SAMD8: variants seen among roughly 807,000 people sequenced by gnomAD.
SAMD8 encodes sterile alpha motif domain containing 8.
In SAMD8, 20 loss-of-function variants were observed where a neutral mutation model predicts 42.0. That is an observed-to-expected ratio of 0.48 (90% CI 0.34 to 0.69). The LOEUF (loss-of-function observed/expected upper bound fraction) is 0.69, where lower values mean the gene tolerates loss of function less well. Among genes scored for constraint, SAMD8 ranks in the 30% least tolerant of loss-of-function variants. SAMD8 has a pLI of 0.01. For synonymous variants in SAMD8, 162 were observed against 173.0 expected (o/e 0.94, Z 0.50); for missense variants, 328 against 511.6 (o/e 0.64, Z 3.46).
intron 1 of SAMD8, among the ~76,000 whole-genome samples, chr10:75,126,762 A>G (rs1849149740): frequency 6.6e-6 from 1 of 151,762 alleles, no homozygotes; most frequent in Admixed American, 6.6e-5. Context: ...TGGCTTCCCA[A>G]AGTGCTGAGA....
intron 2 of SAMD8, among the ~76,000 whole-genome samples, chr10:75,157,315 A>G (rs1365514950): frequency 1.3e-5 from 2 of 152,124 alleles, no homozygotes; most frequent in Non-Finnish European, 2.9e-5. Context: ...TGTATTGATA[A>G]TAAGAATGAC....
In SAMD8 at chr10:75,176,785, C is replaced by T; in HGVS notation, c.*93C>T. On this transcript the variant is annotated 3_prime_UTR_variant, in exon 6 of 6. Transcript: ENST00000542569. This position sits in a 1 kb window ranked among gnomAD's most constrained non-coding sequence, Gnocchi z 4.3. ...CTCCCCCTAGGTTGTTCTTAGATGCCTGGCTTATGTGTTGACAAAGTAAAG... is the reference window on the plus strand; with the variant it reads ...CTCCCCCTAGGTTGTTCTTAGATGCTTGGCTTATGTGTTGACAAAGTAAAG... The T allele has an allele frequency of 1.1e-6, 1 of 917,680 alleles. No homozygotes were observed. Among genetic ancestry groups the T allele is most frequent in the Non-Finnish European group, 1.6e-6 (1 of 622,826 alleles). The allele number at this position is 917,680 out of a possible 1,614,324, so 56.8% of individuals were successfully genotyped here. A position where few individuals can be genotyped will look rare whatever the true frequency, so the allele number is the denominator to read the frequency against.
rs920886497 is a variant in SAMD8, at chr10:75,127,176, A to G, written c.-16+15454A>G. Among the ~76,000 whole-genome samples, 8 of 138,628 alleles carry G rather than the reference A, an allele frequency of 5.8e-5. No individual in the cohort carries two copies. The Admixed American group carries it at 6.1e-4, about 11-fold the overall frequency. 90.9% of individuals were successfully genotyped at this position (138,628 alleles called of 152,430 possible). A position where few individuals can be genotyped will look rare whatever the true frequency, so the allele number is the denominator to read the frequency against. ...CGCACTCCAGCCTGGGCACAGAGCG[A>G]GACTCTGTCTCAAAAAAAAAAAAAA... On this transcript the variant is annotated intron_variant, in intron 1 of 5. Transcript: ENST00000542569.
At position 75,177,895 on chromosome 10, in the gene SAMD8, T is replaced by C. The variant is rs140945048; in HGVS notation, c.*1203T>C. 3 of 152,374 alleles carry C rather than the reference T, an allele frequency of 2.0e-5. No homozygotes were observed. Among genetic ancestry groups the C allele is most frequent in the African/African-American group, 4.8e-5 (2 of 41,592 alleles). 9.4% of individuals were successfully genotyped at this position (152,374 alleles called of 1,614,324 possible). ...ATCTATGATAACATTTGTTACTTTA[T>C]TTTTAATGATTTTTTTACAGTAGTT... On this transcript the variant is annotated 3_prime_UTR_variant, in exon 6 of 6. Transcript: ENST00000542569.
Position 75,115,827 on chromosome 10 carries a change from G to A in SAMD8, c.-16+4105G>A, listed in dbSNP as rs1589930492. ...CTCGTGGCAGGCGCCTGTAGTCCCA[G>A]CTACTCAGGAGGCTGAGGCAGGAGA... On this transcript the variant is annotated intron_variant, in intron 1 of 5. Coordinates refer to ENST00000542569, the MANE Select transcript of SAMD8 (RefSeq NM_001174156.2). 2.0e-5 allele frequency among the ~76,000 whole-genome samples: 3 copies of A among 151,632 alleles called. No individual in the cohort carries two copies. The South Asian group carries it at 6.2e-4, about 32-fold the overall frequency.
chr10:75,174,678 C>T (rs1223063364), intron 4 of SAMD8, among the ~76,000 whole-genome samples: 1 of 151,850 alleles, frequency 6.6e-6, no homozygotes, highest in Non-Finnish European at 1.5e-5. Context: ...GATGATCCAC[C>T]CACCTCGGCC....
chr10:75,172,045 G>T (rs934400026), intron 4 of SAMD8, among the ~76,000 whole-genome samples: 1 of 151,514 alleles, frequency 6.6e-6, no homozygotes, highest in African/African-American at 2.4e-5. Context: ...AAAAAAAGTG[G>T]TATGTGTTGC....
intron 1 of SAMD8, among the ~76,000 whole-genome samples, chr10:75,134,192 G>T (rs561978209): frequency 6.6e-6 from 1 of 152,308 alleles, no homozygotes; most frequent in East Asian, 1.9e-4. Context: ...GTGGGGGGCA[G>T]CCGGGAGAGG....
At chr10:75,147,573 G>A (rs927575420) in intron 1 of SAMD8, among the ~76,000 whole-genome samples, 1 of 152,024 alleles carries the variant, frequency 6.6e-6, no homozygotes, top group Non-Finnish European at 1.5e-5. Flanking sequence ...TGATCCACCC[G>A]TCTCAGCCTC....
intron 1 of SAMD8, among the ~76,000 whole-genome samples, chr10:75,120,217 G>A (rs528281064): frequency 7.2e-5 from 11 of 152,208 alleles, no homozygotes; most frequent in Non-Finnish European, 1.6e-4. Flanking sequence ...CTGTACAGAA[G>A]TGCTTTCAGG....
chr10:75,117,569 T>C (rs752154766), intron 1 of SAMD8, among the ~76,000 whole-genome samples: 9 of 151,968 alleles, frequency 5.9e-5, no homozygotes, highest in Non-Finnish European at 1.2e-4. Context: ...ACAAAAAAAT[T>C]AGCTGGGCGT....
At chr10:75,163,507 C>G (rs1023563129) in intron 2 of SAMD8, among the ~76,000 whole-genome samples, 3 of 152,118 alleles carry the variant, frequency 2.0e-5, no homozygotes, top group African/African-American at 7.2e-5. Flanking sequence ...AACCTCGGCT[C>G]ACTGCAACCT....
chr10:75,113,720 G>T (rs1424240106), intron 1 of SAMD8, among the ~76,000 whole-genome samples: 1 of 152,178 alleles, frequency 6.6e-6, no homozygotes, highest in East Asian at 1.9e-4. Context: ...TGCTGAGATT[G>T]TTAAAGTATT....
At chr10:75,105,688 CG>C in intron 1 of SAMD8, 1 of 1,549,776 alleles carries the variant, frequency 6.5e-7, no homozygotes, top group Non-Finnish European at 8.7e-7. Flanking sequence ...GCCGGCACCC[CG>C]CAGTTGCTGG....
At chr10:75,154,876 T>C (rs1397134145) in intron 2 of SAMD8, among the ~76,000 whole-genome samples, 1 of 152,150 alleles carries the variant, frequency 6.6e-6, no homozygotes, top group Non-Finnish European at 1.5e-5. Flanking sequence ...AAATCAAATA[T>C]TATTCCAAGA....
intron 2 of SAMD8, among the ~76,000 whole-genome samples, chr10:75,162,000 T>G (rs1385784637): frequency 6.6e-6 from 1 of 151,982 alleles, no homozygotes; most frequent in Non-Finnish European, 1.5e-5. Context: ...ATCACGCCAC[T>G]ACAGTCCAAC....
At chr10:75,137,992 C>G (rs1839930309) in intron 1 of SAMD8, among the ~76,000 whole-genome samples, 1 of 152,200 alleles carries the variant, frequency 6.6e-6, no homozygotes, top group African/African-American at 2.4e-5. Context: ...AAGTTAGTGA[C>G]TGAAACCTGG....
chr10:75,119,794 G>A (rs974005654), intron 1 of SAMD8, among the ~76,000 whole-genome samples: 2 of 152,148 alleles, frequency 1.3e-5, no homozygotes, highest in Non-Finnish European at 2.9e-5. Flanking sequence ...AGCTGGGCAC[G>A]GTGACTCACT....
chr10:75,149,342 G>A (rs1399724388), intron 1 of SAMD8, among the ~76,000 whole-genome samples: 1 of 152,112 alleles, frequency 6.6e-6, no homozygotes, highest in Non-Finnish European at 1.5e-5. Context: ...TTAAAACATA[G>A]CACCTTATTG....
Sources: gnomAD v4.1 joint callset for allele counts (sites outside exome capture counted in the v4.1 genomes callset) on GRCh38, gnomAD v4.1.1 for gene constraint, Gnocchi (gnomAD v3.1) non-coding constraint, MANE v1.5 for transcripts, NCBI Gene and HGNC (gene_info 2026-07-23, HGNC 2026-07-21) for gene names.